BPI: variants seen among roughly 807,000 people sequenced by gnomAD.
BPI encodes the protein bactericidal permeability-increasing protein.
Under a neutral mutation model 57.6 loss-of-function variants are expected in BPI, and 48 were observed. The observed-to-expected ratio is 0.83, with a 90% CI of 0.66 to 1.06. The LOEUF is 1.06. BPI is among the 50% of genes least tolerant of loss of function. BPI has a pLI of 0.00. For missense variants in BPI, 651 were observed against 609.7 expected (o/e 1.07, Z -0.71); for synonymous variants, 237 against 238.2 (o/e 0.99, Z 0.05).
At chr20:38,327,083 A>T (rs986950068) in intron 10 of BPI, among the ~76,000 whole-genome samples, 1 of 152,202 alleles carries the variant, frequency 6.6e-6, no homozygotes, top group Non-Finnish European at 1.5e-5. Context: ...GGTGGCACCC[A>T]TATGGCCACT....
chr20:38,317,209 TAGTG>T (rs1242275788), intron 5 of BPI, among the ~76,000 whole-genome samples: 1 of 152,120 alleles, frequency 6.6e-6, no homozygotes, highest in African/African-American at 2.4e-5. Context: ...CCCAATCTCT[TAGTG>T]AGGAGAAGCC....
At chr20:38,314,135 GATGGTGGTGGTGAGA>G (rs2076636815) in intron 5 of BPI, among the ~76,000 whole-genome samples, 1 of 135,370 alleles carries the variant, frequency 7.4e-6, no homozygotes, top group Non-Finnish European at 1.7e-5. Context: ...TGATGATGAT[GATGGTGGTGGTGAGA>G]TTGAGGATGG....
At chr20:38,311,767 A>G (rs3746476) in intron 4 of BPI, 107 bp from the exon 5 acceptor site, 135,149 of 1,138,938 alleles carry the variant, frequency 0.12, 9,749 homozygotes, top group East Asian at 0.27. Context: ...AGGGTGCCAA[A>G]ACCTGTTTCT....
chr20:38,327,554 C>A, intron 10 of BPI, 34 bp from the exon 11 acceptor site: 2 of 1,610,928 alleles, frequency 1.2e-6, no homozygotes, highest in South Asian at 2.2e-5. Context: ...GTGCCTGGGT[C>A]AGGGCACTTC....
rs1156285260 is a variant in BPI at position 38,323,869 on chromosome 20, G to C, written c.757-1G>C. 1 of 1,613,712 alleles carries C rather than the reference G, an allele frequency of 6.2e-7. No homozygotes were observed. Among genetic ancestry groups the C allele is most frequent in the African/African-American group, 1.3e-5 (1 of 75,006 alleles). ...GCTCACTCTGTTGCCTCTACCCCCA[G>C]GGGGAGTTTTACAGTGAGAACCACC... On this transcript the variant is annotated splice_acceptor_variant, in intron 7 of 14. Transcript: ENST00000642449. LOFTEE classifies it high-confidence loss of function.
chr20:38,331,531 C>A (rs1242222294), intron 12 of BPI, among the ~76,000 whole-genome samples: 2 of 152,086 alleles, frequency 1.3e-5, no homozygotes, highest in African/African-American at 4.8e-5. Flanking sequence ...CCTTACATGG[C>A]AGTGGGAAGA....
chr20:38,335,812 G>A (rs1239617147), intron 14 of BPI, 138 bp downstream of exon 14: 11 of 801,070 alleles, frequency 1.4e-5, no homozygotes, highest in East Asian at 2.7e-5. Flanking sequence ...TGTGGGTGCT[G>A]TTAAAAAACA....
At chr20:38,324,695 C>T (rs5741806) in intron 8 of BPI, 79 bp from the exon 9 acceptor site, 476,749 of 1,198,448 alleles carry the variant, frequency 0.4, 99,970 homozygotes, top group African/African-American at 0.71. Context: ...GTCAGCCTCT[C>T]ACCCCGATAC....
At chr20:38,312,069 A>G in intron 5 of BPI, 132 bp downstream of exon 5, 1 of 853,092 alleles carries the variant, frequency 1.2e-6, no homozygotes. Flanking sequence ...TTGAAACCAC[A>G]ACCCCAGCTC....
chr20:38,335,660 C>T lies in BPI; in HGVS notation c.1399C>T (p.Leu467Phe), dbSNP rs2076763938. 6.2e-7 allele frequency: 1 copy of T among 1,614,184 alleles called. No homozygotes were observed. Among genetic ancestry groups the T allele is most frequent in the African/African-American group, 1.3e-5 (1 of 75,056 alleles). The change falls in exon 14 of 15, where the codon CTT becomes TTT. Residue 467 changes from leucine to phenylalanine, a missense_variant. Leu to Phe is a conservative substitution (Grantham distance 22). Transcript: ENST00000642449. ...CAGAGTCCAGCTCTACAACGTAGTG[C>T]TTCAGCCTCACCAGGTGAGTCCCGG... ...PARVQLYNVV[L>F]QPHQNFLLFG...
At position 38,316,956 on chromosome 20, in the gene BPI, G is replaced by A. The variant is rs187393776; in HGVS notation, c.601-1457G>A. ...GAGAAGCTCCCACATCTTCAGTGAA[G>A]GAGGAAGAGCTTGCAAAGAAGTCTG... On this transcript the variant is annotated intron_variant, in intron 5 of 14. Coordinates refer to ENST00000642449, the MANE Select transcript of BPI (RefSeq NM_001725.3). 4.6e-3 allele frequency among the ~76,000 whole-genome samples: 698 copies of A among 152,302 alleles called. 7 individuals carry two copies. The highest frequency in any genetic ancestry group is 0.016 in the African/African-American group (660 of 41,576).
intron 9 of BPI, among the ~76,000 whole-genome samples, chr20:38,325,076 C>T (rs2076705806): frequency 6.6e-6 from 1 of 152,176 alleles, no homozygotes; most frequent in South Asian, 2.1e-4. Context: ...GCAATAAATT[C>T]TTATTGAATG....
At position 38,334,515 on chromosome 20, in the gene BPI, A is replaced by G. The variant is rs201024188; in HGVS notation, c.1336+22A>G. On this transcript the variant is annotated intron_variant, in intron 13 of 14. Transcript: ENST00000642449. ...AACGGTAAGGAACTTTGAAGAAACC[A>G]TTCATTTTCAGTCATGGGGGAAGAG... 150 of 1,604,954 alleles carry G rather than the reference A, an allele frequency of 9.3e-5. 1 individual carries two copies. The African/African-American group carries it at 1.7e-3, about 18-fold the overall frequency.
intron 9 of BPI, among the ~76,000 whole-genome samples, chr20:38,325,963 T>C (rs543357855): frequency 2.0e-5 from 3 of 152,010 alleles, no homozygotes; most frequent in Admixed American, 1.3e-4. Context: ...GAGAGAAGAA[T>C]GCGAGGAAAA....
Position 38,315,647 on chromosome 20 carries a change from T to C in BPI, c.601-2766T>C, listed in dbSNP as rs537202962. Among the ~76,000 whole-genome samples, 3 of 152,270 alleles carry C rather than the reference T, an allele frequency of 2.0e-5. No individual in the cohort carries two copies. In the South Asian group the frequency reaches 6.2e-4, roughly 32 times the overall value. Reference sequence around the variant, plus strand: ...AAAGAGGTGCAGGTTCCTTGGAGAATGCCAGTCCAGGTCCTCTTAGGACTT... The same window carrying C: ...AAAGAGGTGCAGGTTCCTTGGAGAACGCCAGTCCAGGTCCTCTTAGGACTT... On this transcript the variant is annotated intron_variant, in intron 5 of 14. Coordinates refer to ENST00000642449, the MANE Select transcript of BPI (RefSeq NM_001725.3).
intron 1 of BPI, among the ~76,000 whole-genome samples, chr20:38,305,851 T>C (rs2076594194): frequency 6.6e-6 from 1 of 152,212 alleles, no homozygotes; most frequent in Admixed American, 6.5e-5. Context: ...ATACATTTCA[T>C]TGATATTATT....
chr20:38,318,436 T>G lies in BPI; in HGVS notation c.624T>G (p.Ser208=). ...AGGTCTGCGAGAAAGTGACCAATTC[T>G]GTATCCTCCGAGCTGCAACCTTATT... The part of the protein sequence containing the change: ...NSQVCEKVTN[S]VSSELQPYFQ... Residue 208 remains serine, a synonymous_variant, in exon 6 of 15, where the codon TCT becomes TCG. Coordinates refer to ENST00000642449, the MANE Select transcript of BPI (RefSeq NM_001725.3). 1 of 1,613,892 alleles carries G rather than the reference T, an allele frequency of 6.2e-7. No homozygotes were observed. Among genetic ancestry groups the G allele is most frequent in the Non-Finnish European group, 8.5e-7 (1 of 1,179,776 alleles).
chr20:38,329,308 G>T (rs926158047), intron 11 of BPI, among the ~76,000 whole-genome samples: 1 of 152,122 alleles, frequency 6.6e-6, no homozygotes, highest in African/African-American at 2.4e-5. Context: ...GCACATTTGC[G>T]CTGTTTTCAC....
chr20:38,316,920 A>T (rs1366328692), intron 5 of BPI, among the ~76,000 whole-genome samples: 1 of 152,206 alleles, frequency 6.6e-6, no homozygotes. Flanking sequence ...GGGAGCCAGG[A>T]AGAAAGCCCA....
Sources: gnomAD v4.1 joint callset for allele counts (sites outside exome capture counted in the v4.1 genomes callset) on GRCh38, gnomAD v4.1.1 for gene constraint, MANE v1.5 for transcripts, NCBI Gene and HGNC (gene_info 2026-07-23, HGNC 2026-07-21) for gene names.